ARHGAP12: variants seen among roughly 807,000 people sequenced by gnomAD.
ARHGAP12 encodes the protein Rho GTPase activating protein 12.
A neutral mutation model predicts 108.6 loss-of-function variants in ARHGAP12; 64 were observed. The ratio of observed to expected loss-of-function variants is 0.59; its 90% CI spans 0.48 to 0.73. ARHGAP12 has a LOEUF of 0.73. Among genes scored for constraint, ARHGAP12 ranks in the 30% least tolerant of loss-of-function variants. The pLI is 0.00. For missense variants in ARHGAP12, 940 were observed against 1,005.9 expected (o/e 0.93, Z 0.89); for synonymous variants, 312 against 337.2 (o/e 0.93, Z 0.82).
chr10:31,819,664 G>A (rs991362981), intron 12 of ARHGAP12, among the ~76,000 whole-genome samples: 3 of 152,166 alleles, frequency 2.0e-5, no homozygotes, highest in Non-Finnish European at 4.4e-5. Flanking sequence ...CCTTGAGAAT[G>A]AAAGATCTTG....
Position 31,809,325 on chromosome 10 carries a change from T to C in ARHGAP12, c.2051-18A>G. ...ATCCAAACCTAAGAGACAATAATAA[T>C]TTGTGTGTGTGTGTGTTTAAAGTAC... On this transcript the variant is annotated intron_variant, in intron 16 of 19. Transcript: ENST00000344936. The C allele has an allele frequency of 6.2e-7, 1 of 1,608,686 alleles. No individual in the cohort carries two copies. The highest frequency in any genetic ancestry group is 1.1e-5 in the South Asian group (1 of 90,942).
At chr10:31,891,457 G>A (rs1191993370) in intron 3 of ARHGAP12, among the ~76,000 whole-genome samples, 1 of 152,194 alleles carries the variant, frequency 6.6e-6, no homozygotes, top group Non-Finnish European at 1.5e-5. Context: ...TCCACTGTTA[G>A]TCTGATGGGC....
chr10:31,831,678 TGAGA>T (rs1302044435), intron 10 of ARHGAP12, 57 bp downstream of exon 10: 1 of 1,157,496 alleles, frequency 8.6e-7, no homozygotes, highest in African/African-American at 1.6e-5. Flanking sequence ...ATAATTATAT[TGAGA>T]ATTTTTAATT....
chr10:31,909,231 C>T (rs964149670), intron 2 of ARHGAP12, among the ~76,000 whole-genome samples: 1 of 152,178 alleles, frequency 6.6e-6, no homozygotes, highest in Non-Finnish European at 1.5e-5. Flanking sequence ...TTTCATTACT[C>T]CCTCAAACCT....
chr10:31,924,959 G>C (rs1016757819), intron 1 of ARHGAP12, among the ~76,000 whole-genome samples: 14 of 152,166 alleles, frequency 9.2e-5, no homozygotes, highest in African/African-American at 3.4e-4. Context: ...AAAGTTGTGA[G>C]AGTAGAAAAA....
At chr10:31,848,715 T>C (rs117167396) in intron 6 of ARHGAP12, among the ~76,000 whole-genome samples, 2,172 of 152,344 alleles carry the variant, frequency 0.014, 21 homozygotes, top group Non-Finnish European at 0.022. Flanking sequence ...TCTTTTTAAA[T>C]GAAAGCCTTC....
At position 31,810,708 on chromosome 10, in the gene ARHGAP12, C is replaced by CT; in HGVS notation, c.1990dup (p.Arg664LysfsTer15). 2 of 1,609,562 alleles carry CT rather than the reference C, an allele frequency of 1.2e-6. No individual in the cohort carries two copies. Among genetic ancestry groups the CT allele is most frequent in the Non-Finnish European group, 1.7e-6 (2 of 1,178,100 alleles). On this transcript the variant is annotated frameshift_variant, in exon 16 of 20. Transcript: ENST00000344936. LOFTEE classifies it high-confidence loss of function. Reference sequence around the variant, plus strand: ...AAACTTTGGTACTGTGCCATTCTCTCTCTGACACAGATTAGCGAGATTGGA... The same window carrying CT: ...AAACTTTGGTACTGTGCCATTCTCTCTTCTGACACAGATTAGCGAGATTGGA...
At chr10:31,906,017 G>A (rs1382618923) in intron 3 of ARHGAP12, among the ~76,000 whole-genome samples, 6 of 152,068 alleles carry the variant, frequency 3.9e-5, no homozygotes, top group African/African-American at 1.5e-4. Context: ...AATAGGATAT[G>A]ACAGTGGGCA....
intron 10 of ARHGAP12, among the ~76,000 whole-genome samples, chr10:31,830,588 C>T (rs985356870): frequency 8.6e-5 from 13 of 151,976 alleles, no homozygotes; most frequent in Non-Finnish European, 1.3e-4. Flanking sequence ...AATCTAACTA[C>T]CAAAGTCTGA....
At chr10:31,881,274 C>A (rs1473601114) in intron 3 of ARHGAP12, among the ~76,000 whole-genome samples, 8 of 149,634 alleles carry the variant, frequency 5.3e-5, no homozygotes, top group Non-Finnish European at 8.9e-5. Context: ...TAAAAAAAAA[C>A]AAAAACTTGC....
At chr10:31,821,607 G>A (rs573840739) in intron 11 of ARHGAP12, among the ~76,000 whole-genome samples, 55 of 152,220 alleles carry the variant, frequency 3.6e-4, no homozygotes, top group African/African-American at 1.2e-3. Context: ...TGTAATCTCA[G>A]TAACTCTATT....
intron 15 of ARHGAP12, among the ~76,000 whole-genome samples, chr10:31,812,328 G>C (rs1218781800): frequency 6.6e-6 from 1 of 151,788 alleles, no homozygotes; most frequent in Non-Finnish European, 1.5e-5. Flanking sequence ...GACAGCCAAG[G>C]GTAAAAATTA....
At chr10:31,832,358 AT>A (rs1295056850) in intron 9 of ARHGAP12, among the ~76,000 whole-genome samples, 2 of 152,230 alleles carry the variant, frequency 1.3e-5, no homozygotes, top group Non-Finnish European at 2.9e-5. Context: ...CATTAAGCAT[AT>A]TATCAGATTG....
At chr10:31,815,352 C>T (rs899574561) in intron 13 of ARHGAP12, among the ~76,000 whole-genome samples, 1 of 152,164 alleles carries the variant, frequency 6.6e-6, no homozygotes, top group Non-Finnish European at 1.5e-5. Context: ...CATCTGCTTC[C>T]TCTACAGTGC....
intron 3 of ARHGAP12, among the ~76,000 whole-genome samples, chr10:31,897,722 T>C (rs1838759159): frequency 6.6e-6 from 1 of 151,928 alleles, no homozygotes; most frequent in Non-Finnish European, 1.5e-5. Flanking sequence ...CAACCAAAAA[T>C]TGCAAGGCAT....
intron 9 of ARHGAP12, among the ~76,000 whole-genome samples, chr10:31,836,921 C>A (rs1016516385): frequency 6.6e-6 from 1 of 151,892 alleles, no homozygotes; most frequent in Non-Finnish European, 1.5e-5. Context: ...ATTAACATGG[C>A]GGTTTGTTTT....
In ARHGAP12 at chr10:31,874,803, A is replaced by T. The variant is rs577297067; in HGVS notation, c.685-13145T>A. ...AGCCTGGCCAACATGGTGAACCCTC[A>T]TCTCTACTAAAAATACAGAAATTAG... On this transcript the variant is annotated intron_variant, in intron 3 of 19. Coordinates refer to ENST00000344936, the MANE Select transcript of ARHGAP12 (RefSeq NM_018287.7). Among the ~76,000 whole-genome samples, 20 of 151,704 alleles carry T rather than the reference A, an allele frequency of 1.3e-4. No individual in the cohort carries two copies. The South Asian group carries it at 4.0e-3, about 30-fold the overall frequency.
intron 9 of ARHGAP12, among the ~76,000 whole-genome samples, chr10:31,838,770 G>A (rs1191194474): frequency 2.0e-5 from 3 of 150,292 alleles, no homozygotes; most frequent in African/African-American, 4.9e-5. Flanking sequence ...GGTGGAGGCT[G>A]CAGTTAGCCG....
intron 18 of ARHGAP12, 109 bp downstream of exon 18, chr10:31,808,881 AAAAC>A (rs1281704318): frequency 1.3e-5 from 18 of 1,374,202 alleles, no homozygotes; most frequent in Non-Finnish European, 1.6e-5. Context: ...TGTTTGGAGT[AAAAC>A]AATCTGTTGA....
Sources: allele counts gnomAD v4.1 joint callset (sites outside exome capture counted in the v4.1 genomes callset), GRCh38; gene constraint gnomAD v4.1.1; transcripts MANE v1.5; gene names NCBI Gene and HGNC (gene_info 2026-07-23, HGNC 2026-07-21).